Variants in LELP1 observed in about 807,000 individuals in gnomAD.
LELP1 encodes the protein late cornified envelope like proline rich 1, also known as late cornified envelope-like proline-rich protein 1.
Under a neutral mutation model 0.3 loss-of-function variants are expected in LELP1, and 1 was observed. The ratio of observed to expected loss-of-function variants is 2.87; its 90% CI spans 1.02 to 13.63. The LOEUF (loss-of-function observed/expected upper bound fraction) is 13.63, where lower values mean the gene tolerates loss of function less well. Among genes scored for constraint, LELP1 ranks in the 30% most tolerant of loss-of-function variants. LELP1 has a pLI of 0.12. For missense variants in LELP1, 122 were observed against 118.7 expected, an observed-to-expected ratio of 1.03 and a Z score of -0.13; for synonymous variants, 57 against 45.9, an observed-to-expected ratio of 1.24 and a Z score of -0.97.
chr1:153,204,784 A>G lies in LELP1; in HGVS notation c.77A>G (p.Lys26Arg), dbSNP rs890694960. Residue 26 changes from lysine (K) to arginine (R), a missense_variant, in exon 2 of 2, where the codon AAG becomes AGG. Coordinates refer to ENST00000368747, the MANE Select transcript of LELP1 (RefSeq NM_001010857.3). ...AACTGCGATCCCAAGTGTGAACAAA[A>G]GTGTGAGTCCAAATGCCAGCCCAGC... ...PKNCDPKCEQ[K>R]CESKCQPSCL... 12 of 1,614,044 alleles carry G rather than the reference A, an allele frequency of 7.4e-6. No homozygotes were observed. Among genetic ancestry groups the G allele is most frequent in the Non-Finnish European group, 8.5e-6 (10 of 1,179,988 alleles).
rs373777417 is a variant in LELP1 at position 153,203,867 on chromosome 1, T to C, written c.-22+336T>C. ...GTGAGGGACTGAAAATCCCTGTCCATATCTAGGAGTTAAACTGTCCGTGCA... is the reference window on the plus strand; with the variant it reads ...GTGAGGGACTGAAAATCCCTGTCCACATCTAGGAGTTAAACTGTCCGTGCA... On this transcript the variant is annotated intron_variant, in intron 1 of 1. Transcript: ENST00000368747. Among the ~76,000 whole-genome samples, 470 of 152,330 alleles carry C rather than the reference T, an allele frequency of 3.1e-3. 4 individuals are homozygous for C. The highest frequency in any genetic ancestry group is 0.011 in the African/African-American group (453 of 41,572).
rs769637188 is a variant in LELP1, at chr1:153,204,926, C to G, written c.219C>G (p.Pro73=). 1.2e-6 allele frequency: 2 copies of G among 1,613,936 alleles called. No individual in the cohort carries two copies. Among genetic ancestry groups the G allele is most frequent in the South Asian group, 2.2e-5 (2 of 91,070 alleles). The change falls in exon 2 of 2, where the codon CCC becomes CCG. Residue 73 remains proline (P), a synonymous_variant. Transcript: ENST00000368747. ...SQSPSSCPPQ[P]CTKPCPPKCP... is the part of the protein sequence containing the mutation. ...CTCCTTCATCCTGCCCTCCCCAGCC[C>G]TGCACCAAGCCCTGTCCTCCTAAAT...
Position 153,205,101 on chromosome 1 carries a change from C to A in LELP1, c.*97C>A, listed in dbSNP as rs571051260. ...CTGAAACCATGAACTGACAAGTAAA[C>A]GTGTTCCTCTGCTGTGCAAGACTTC... On this transcript the variant is annotated 3_prime_UTR_variant, in exon 2 of 2. Transcript: ENST00000368747. 4 of 927,932 alleles carry A rather than the reference C, an allele frequency of 4.3e-6. No individual in the cohort carries two copies. The highest frequency in any genetic ancestry group is 1.7e-6 in the Non-Finnish European group (1 of 605,266). The allele number at this position is 927,932 out of a possible 1,614,324, so 57.5% of individuals were successfully genotyped here. A position where few individuals can be genotyped will look rare whatever the true frequency, so the allele number is the denominator to read the frequency against.
At chr1:153,203,888 G>A (rs532795799) in intron 1 of LELP1, among the ~76,000 whole-genome samples, 6 of 152,170 alleles carry the variant, frequency 3.9e-5, no homozygotes, top group Non-Finnish European at 8.8e-5. Context: ...TAAACTGTCC[G>A]TGCAGAAATG....
chr1:153,204,572 G>C (rs1451949840), intron 1 of LELP1, 115 bp from the exon 2 acceptor site: 1 of 749,090 alleles, frequency 1.3e-6, no homozygotes, highest in Non-Finnish European at 2.3e-6. Flanking sequence ...TAAATGAGAA[G>C]ATGATCTAGA....
In LELP1 at chr1:153,204,715, G is replaced by C. The variant is rs138369005; in HGVS notation, c.8G>C (p.Ser3Thr). The C allele has an allele frequency of 1.5e-5, 25 of 1,613,314 alleles. No homozygotes were observed. In the African/African-American group the frequency reaches 3.2e-4, roughly 21 times the overall value. The change falls in exon 2 of 2, where the codon AGT (serine) becomes ACT (threonine). Residue 3 changes from serine to threonine, a missense_variant. Transcript: ENST00000368747. MS[S>T]DDKSKSNDPK... ...TCAGATAATCAAGAAACAATGTCGA[G>C]TGATGATAAAAGTAAATCAAATGAC... is the stretch of plus-strand genomic sequence containing the variant.
At chr1:153,204,664 A>G (rs757890495) in intron 1 of LELP1, 23 bp from the exon 2 acceptor site, 7 of 1,555,260 alleles carry the variant, frequency 4.5e-6, no homozygotes, top group African/African-American at 2.7e-5. Context: ...CCCACCTACA[A>G]TGCATCTCAT....
chr1:153,204,899 G>C lies in LELP1; in HGVS notation c.192G>C (p.Gln64His). 1 of 1,614,004 alleles carries C rather than the reference G, an allele frequency of 6.2e-7. No homozygotes were observed. The highest frequency in any genetic ancestry group is 8.5e-7 in the Non-Finnish European group (1 of 1,179,930). Reference sequence around the variant, plus strand: ...CCAAGTGCCTGCCCTGCCCCTCGCAGTCTCCTTCATCCTGCCCTCCCCAGC... The same window carrying C: ...CCAAGTGCCTGCCCTGCCCCTCGCACTCTCCTTCATCCTGCCCTCCCCAGC... ...APPKCLPCPSQSPSSCPPQPC... is the reference protein window; with the variant it reads ...APPKCLPCPSHSPSSCPPQPC... Residue 64 changes from glutamine (Q) to histidine (H), a missense_variant, in exon 2 of 2, where the codon CAG becomes CAC. By Grantham distance (24) the Gln-to-His change is conservative (BLOSUM62 0). Coordinates refer to ENST00000368747, the MANE Select transcript of LELP1 (RefSeq NM_001010857.3).
chr1:153,204,422 T>TG (rs1244536833), intron 1 of LELP1, among the ~76,000 whole-genome samples: 2 of 151,458 alleles, frequency 1.3e-5, no homozygotes, highest in African/African-American at 4.9e-5. Flanking sequence ...GTGGGGGAGG[T>TG]GGGGGGTCCA....
intron 1 of LELP1, among the ~76,000 whole-genome samples, chr1:153,204,380 C>T (rs1197373938): frequency 6.6e-6 from 1 of 152,112 alleles, no homozygotes; most frequent in Non-Finnish European, 1.5e-5. Flanking sequence ...GTTACAGAGA[C>T]ACCAACTCTA....
Position 153,204,897 on chromosome 1 carries a change from C to T in LELP1, c.190C>T (p.Gln64Ter). ...APPKCLPCPS[Q>*]SPSSCPPQPC... The stretch of plus-strand genomic sequence containing the variant: ...ACCCAAGTGCCTGCCCTGCCCCTCG[C>T]AGTCTCCTTCATCCTGCCCTCCCCA... The change falls in exon 2 of 2, where the codon CAG (glutamine) becomes TAG (stop). Residue 64 changes from glutamine to a stop codon, truncating the protein, a stop_gained. Coordinates refer to ENST00000368747, the MANE Select transcript of LELP1 (RefSeq NM_001010857.3). LOFTEE classifies it low-confidence loss of function (END_TRUNC). 1 of 1,614,034 alleles carries T rather than the reference C, an allele frequency of 6.2e-7. No individual in the cohort carries two copies. Among genetic ancestry groups the T allele is most frequent in the Non-Finnish European group, 8.5e-7 (1 of 1,179,932 alleles).
rs199728108 is a variant in LELP1, at chr1:153,204,937, C to T, written c.230C>T (p.Pro77Leu). ...SSCPPQPCTK[P>L]CPPKCPSSCP... is the part of the protein sequence containing the mutation. ...TGCCCTCCCCAGCCCTGCACCAAGC[C>T]CTGTCCTCCTAAATGCCCTTCATCC... The change falls in exon 2 of 2, where the codon CCC (proline) becomes CTC (leucine). Residue 77 changes from proline (P) to leucine (L), a missense_variant. Pro to Leu is a moderately conservative substitution (Grantham distance 98, BLOSUM62 -3). Transcript: ENST00000368747. The T allele has an allele frequency of 8.1e-6, 13 of 1,613,978 alleles. No homozygotes were observed. In the East Asian group the frequency reaches 1.1e-4, roughly 14 times the overall value.
chr1:153,204,674 T>C lies in LELP1; in HGVS notation c.-21-13T>C, dbSNP rs1188091836. 6.3e-7 allele frequency: 1 copy of C among 1,595,094 alleles called. No homozygotes were observed. The highest frequency in any genetic ancestry group is 1.7e-5 in the Admixed American group (1 of 59,758). ...CCTCTCCCACCTACAATGCATCTCA[T>C]ATTTCTTTGCAGGGCTCAGATAATC... On this transcript the variant is annotated splice_polypyrimidine_tract_variant and intron_variant, in intron 1 of 1. Transcript: ENST00000368747.
chr1:153,204,713 G>T lies in LELP1; in HGVS notation c.6G>T (p.Ser2=). The T allele has an allele frequency of 1.9e-6, 3 of 1,613,202 alleles. No individual in the cohort carries two copies. The highest frequency in any genetic ancestry group is 2.5e-6 in the Non-Finnish European group (3 of 1,179,288). The stretch of plus-strand genomic sequence containing the variant: ...GCTCAGATAATCAAGAAACAATGTC[G>T]AGTGATGATAAAAGTAAATCAAATG... M[S]SDDKSKSNDP... Residue 2 remains serine, a synonymous_variant, in exon 2 of 2, where the codon TCG becomes TCT. Coordinates refer to ENST00000368747, the MANE Select transcript of LELP1 (RefSeq NM_001010857.3).
chr1:153,204,571 A>T (rs1657711165), intron 1 of LELP1, 116 bp from the exon 2 acceptor site: 1 of 743,580 alleles, frequency 1.3e-6, no homozygotes, highest in Non-Finnish European at 2.3e-6. Context: ...CTAAATGAGA[A>T]GATGATCTAG....
At position 153,204,910 on chromosome 1, in the gene LELP1, C is replaced by T. The variant is rs866117386; in HGVS notation, c.203C>T (p.Ser68Phe). The T allele has an allele frequency of 6.2e-7, 1 of 1,613,934 alleles. No homozygotes were observed. The highest frequency in any genetic ancestry group is 1.1e-5 in the South Asian group (1 of 91,076). ...CLPCPSQSPSSCPPQPCTKPC... is the reference protein window; with the variant it reads ...CLPCPSQSPSFCPPQPCTKPC... ...CCCTGCCCCTCGCAGTCTCCTTCAT[C>T]CTGCCCTCCCCAGCCCTGCACCAAG... The change falls in exon 2 of 2, where the codon TCC becomes TTC. Residue 68 changes from serine to phenylalanine, a missense_variant. Transcript: ENST00000368747.
At chr1:153,204,621 G>T in intron 1 of LELP1, 66 bp from the exon 2 acceptor site, 1 of 1,171,228 alleles carries the variant, frequency 8.5e-7, no homozygotes, top group Non-Finnish European at 1.3e-6. Context: ...TTAAGTACAA[G>T]GATAAGCTGT....
Position 153,204,677 on chromosome 1 carries a change from T to G in LELP1, c.-21-10T>G, listed in dbSNP as rs1246278156. ...CTCCCACCTACAATGCATCTCATAT[T>G]TCTTTGCAGGGCTCAGATAATCAAG... On this transcript the variant is annotated splice_polypyrimidine_tract_variant and intron_variant, in intron 1 of 1. Coordinates refer to ENST00000368747, the MANE Select transcript of LELP1 (RefSeq NM_001010857.3). 1 of 1,601,408 alleles carries G rather than the reference T, an allele frequency of 6.2e-7. No individual in the cohort carries two copies.
At chr1:153,203,988 A>C (rs1657702927) in intron 1 of LELP1, among the ~76,000 whole-genome samples, 1 of 152,140 alleles carries the variant, frequency 6.6e-6, no homozygotes, top group African/African-American at 2.4e-5. Flanking sequence ...TTTTCAGAGA[A>C]ATTGGAATTT....
Sources: gnomAD v4.1 joint callset for allele counts (sites outside exome capture counted in the v4.1 genomes callset) on GRCh38, gnomAD v4.1.1 for gene constraint, MANE v1.5 for transcripts, NCBI Gene and HGNC (gene_info 2026-07-23, HGNC 2026-07-21) for gene names.